MSRA: variants seen among roughly 807,000 people sequenced by gnomAD.
MSRA encodes the protein methionine sulfoxide reductase A.
MSRA carries 54 observed loss-of-function variants against 31.3 expected under a neutral mutation model. The observed-to-expected ratio is 1.73, with a 90% CI of 1.39 to 2.17. MSRA has a LOEUF of 2.17. Among genes scored for constraint, MSRA ranks in the 30% most tolerant of loss-of-function variants. The probability of loss-of-function intolerance (pLI) is 0.00; values close to 1 mark genes in which losing one functional copy is unlikely to be tolerated. For missense variants in MSRA, 507 were observed against 300.9 expected (o/e 1.69, Z -5.07); for synonymous variants, 169 against 116.5 (o/e 1.45, Z -2.90).
intron 2 of MSRA, among the ~76,000 whole-genome samples, chr8:10,231,898 G>A (rs574434070): frequency 5.8e-4 from 88 of 151,188 alleles, no homozygotes; most frequent in African/African-American, 2.1e-3. Flanking sequence ...GCGAGACTTT[G>A]TCTCAAAATA....
chr8:10,205,338 GA>G (rs1210198980), intron 1 of MSRA, among the ~76,000 whole-genome samples: 1 of 152,116 alleles, frequency 6.6e-6, no homozygotes, highest in Admixed American at 6.5e-5. Flanking sequence ...TCTGGAGGGG[GA>G]CAGTCGCTGG....
chr8:10,327,262 A>G (rs1434923375), intron 5 of MSRA, among the ~76,000 whole-genome samples: 1 of 152,108 alleles, frequency 6.6e-6, no homozygotes, highest in African/African-American at 2.4e-5. Flanking sequence ...CCTTCCATCC[A>G]TCCACCCACC....
At chr8:10,270,099 G>A (rs774508213) in intron 3 of MSRA, among the ~76,000 whole-genome samples, 1 of 152,184 alleles carries the variant, frequency 6.6e-6, no homozygotes, top group Non-Finnish European at 1.5e-5. Flanking sequence ...TAGAATGAAT[G>A]TTTTCTTGTA....
chr8:10,099,537 A>C (rs1290010948), intron 1 of MSRA, among the ~76,000 whole-genome samples: 4 of 152,246 alleles, frequency 2.6e-5, no homozygotes, highest in African/African-American at 9.6e-5. Flanking sequence ...GGACTGGTAC[A>C]CAATGGCCAC....
At chr8:10,056,524 C>CTTTTTT (rs58900236) in intron 1 of MSRA, among the ~76,000 whole-genome samples, 1 of 138,264 alleles carries the variant, frequency 7.2e-6, no homozygotes, top group Non-Finnish European at 1.5e-5. Flanking sequence ...GGCCAGTAAA[C>CTTTTTT]TTTTTTTTTT....
intron 5 of MSRA, among the ~76,000 whole-genome samples, chr8:10,404,566 G>T (rs893173914): frequency 6.6e-6 from 1 of 152,248 alleles, no homozygotes; most frequent in Non-Finnish European, 1.5e-5. Context: ...ACGATCTGCC[G>T]TCAGCAGCTG....
At chr8:10,067,994 A>G (rs1472692374) in intron 1 of MSRA, among the ~76,000 whole-genome samples, 5 of 144,842 alleles carry the variant, frequency 3.5e-5, no homozygotes, top group Admixed American at 1.5e-4. Context: ...AGTGATACTC[A>G]TGCGTCAGCT....
chr8:10,182,426 C>G (rs538608670), intron 1 of MSRA, among the ~76,000 whole-genome samples: 1 of 152,152 alleles, frequency 6.6e-6, no homozygotes, highest in Non-Finnish European at 1.5e-5. Context: ...CAGCTGGGTC[C>G]TCTACTTCAG....
intron 3 of MSRA, among the ~76,000 whole-genome samples, chr8:10,290,089 A>T (rs929257554): frequency 6.6e-6 from 1 of 152,216 alleles, no homozygotes; most frequent in African/African-American, 2.4e-5. Flanking sequence ...CCTCTCTAGC[A>T]GATTATGCCC....
chr8:10,310,659 A>G (rs553323575), intron 4 of MSRA, among the ~76,000 whole-genome samples: 1 of 152,336 alleles, frequency 6.6e-6, no homozygotes, highest in South Asian at 2.1e-4. Context: ...CCCATTTTGT[A>G]GAGGAACAGA....
At chr8:10,182,911 G>T (rs1806673174) in intron 1 of MSRA, among the ~76,000 whole-genome samples, 1 of 152,222 alleles carries the variant, frequency 6.6e-6, no homozygotes, top group Non-Finnish European at 1.5e-5. Flanking sequence ...AAGGCTCTAA[G>T]TGTATCCAGC....
At chr8:10,300,655 A>G (rs1800793897) in intron 3 of MSRA, among the ~76,000 whole-genome samples, 2 of 152,174 alleles carry the variant, frequency 1.3e-5, no homozygotes, top group South Asian at 4.1e-4. Context: ...TCAAAGTTCT[A>G]GGATTACAGT....
chr8:10,363,360 G>A (rs17151824), intron 5 of MSRA, among the ~76,000 whole-genome samples: 23,618 of 152,048 alleles, frequency 0.16, 3,116 homozygotes, highest in East Asian at 0.7. Context: ...GTGACTCACA[G>A]GGCCAACCTG....
At chr8:10,074,141 G>A (rs1023390284) in intron 1 of MSRA, among the ~76,000 whole-genome samples, 36 of 136,940 alleles carry the variant, frequency 2.6e-4, no homozygotes, top group African/African-American at 9.3e-4. Context: ...GGAGTGCAGT[G>A]GTGCGATCTG....
At chr8:10,406,042 A>G (rs1264167026) in intron 5 of MSRA, among the ~76,000 whole-genome samples, 1 of 152,222 alleles carries the variant, frequency 6.6e-6, no homozygotes, top group Non-Finnish European at 1.5e-5. Context: ...TGTGCTTTCC[A>G]TGAGCTGATG....
At chr8:10,328,027 ATTT>A (rs35940076) in intron 5 of MSRA, among the ~76,000 whole-genome samples, 2 of 65,310 alleles carry the variant, frequency 3.1e-5, no homozygotes, top group African/African-American at 7.1e-5. Flanking sequence ...CTCTATGGTA[ATTT>A]TTTTTTTTTT....
chr8:10,399,896 G>C (rs895327895), intron 5 of MSRA, among the ~76,000 whole-genome samples: 2 of 152,188 alleles, frequency 1.3e-5, no homozygotes, highest in African/African-American at 4.8e-5. Flanking sequence ...TGGTCTTGGG[G>C]GCAGCATGGA....
chr8:10,155,383 C>T (rs1371771351), intron 1 of MSRA, among the ~76,000 whole-genome samples: 1 of 152,042 alleles, frequency 6.6e-6, no homozygotes, highest in African/African-American at 2.4e-5. Flanking sequence ...TAAAATACAC[C>T]CACGCTCTCT....
chr8:10,411,505 A>T (rs564481330), intron 5 of MSRA: 1 of 152,152 alleles, frequency 6.6e-6, no homozygotes, highest in Admixed American at 6.5e-5. Context: ...ATAATAAAAA[A>T]AAAAAACCCA....
Sources: allele counts gnomAD v4.1 joint callset (sites outside exome capture counted in the v4.1 genomes callset), GRCh38; gene constraint gnomAD v4.1.1; transcripts MANE v1.5; gene names NCBI Gene and HGNC (gene_info 2026-07-23, HGNC 2026-07-21).